Variants in ARK2C observed in about 807,000 individuals in gnomAD.
The protein encoded by ARK2C is E3 ubiquitin-protein ligase ARK2C.
At chr18:46,336,924 T>C in the ARK2C span, 1 of 985,430 alleles carries the variant, frequency 1.0e-6, no homozygotes, top group Non-Finnish European at 1.2e-6. Flanking sequence ...TGCTATCCCA[T>C]AGCCTCTGAA....
At chr18:46,429,104 C>T in the ARK2C span, among the ~76,000 whole-genome samples, 10 of 152,244 alleles carry the variant, frequency 6.6e-5, no homozygotes, top group East Asian at 3.9e-4. Context: ...CTGCAGCCCC[C>T]GGACTCACCA....
the ARK2C span, among the ~76,000 whole-genome samples, chr18:46,384,923 A>G: frequency 6.6e-6 from 1 of 152,264 alleles, no homozygotes; most frequent in Non-Finnish European, 1.5e-5. Context: ...CCTGGTAGAT[A>G]CAGCCCAGAG....
the ARK2C span, chr18:46,433,548 G>A: frequency 6.6e-7 from 1 of 1,524,114 alleles, no homozygotes; most frequent in Non-Finnish European, 8.9e-7. Context: ...GGATGGGGTC[G>A]GGTGAGGGGG....
the ARK2C span, chr18:46,460,416 G>A: frequency 1.3e-5 from 2 of 152,306 alleles, no homozygotes; most frequent in Admixed American, 6.6e-5. Flanking sequence ...CACGTTGCTA[G>A]TTTACAGGGT....
chr18:46,439,860 C>G, the ARK2C span, among the ~76,000 whole-genome samples: 88 of 152,174 alleles, frequency 5.8e-4, no homozygotes, highest in Non-Finnish European at 7.4e-5. Context: ...GAGACGGAGT[C>G]TCGCTCTGTC....
the ARK2C span, among the ~76,000 whole-genome samples, chr18:46,360,922 G>A: frequency 1.3e-5 from 2 of 152,250 alleles, no homozygotes; most frequent in Non-Finnish European, 2.9e-5. Flanking sequence ...CAGCCCCACA[G>A]CAAGTGACTT....
the ARK2C span, among the ~76,000 whole-genome samples, chr18:46,444,339 AT>A: frequency 1.4e-4 from 21 of 152,016 alleles, 1 homozygote; most frequent in Middle Eastern, 0.014. Flanking sequence ...TCCCTAAAAT[AT>A]TTTTTCTGTC....
At chr18:46,351,767 A>G in the ARK2C span, among the ~76,000 whole-genome samples, 1 of 152,150 alleles carries the variant, frequency 6.6e-6, no homozygotes, top group Non-Finnish European at 1.5e-5. Flanking sequence ...TTGGACCCCA[A>G]GCTCATGCTC....
At chr18:46,453,780 AAACTAGAAAGAGAT>A in the ARK2C span, among the ~76,000 whole-genome samples, 1 of 152,156 alleles carries the variant, frequency 6.6e-6, no homozygotes, top group East Asian at 1.9e-4. Context: ...CAAAGAATAA[AAACTAGAAAGAGAT>A]ATGAAAGCAA....
chr18:46,426,023 C>A, the ARK2C span, among the ~76,000 whole-genome samples: 4 of 152,076 alleles, frequency 2.6e-5, no homozygotes, highest in East Asian at 5.8e-4. Flanking sequence ...GGGCAATAAT[C>A]CTATTCATTG....
chr18:46,413,803 G>A, the ARK2C span, among the ~76,000 whole-genome samples: 21 of 152,206 alleles, frequency 1.4e-4, no homozygotes, highest in Non-Finnish European at 1.8e-4. Context: ...GGTGCAAAAG[G>A]ATGTACATAC....
chr18:46,338,920 A>AC, the ARK2C span, among the ~76,000 whole-genome samples: 1 of 152,098 alleles, frequency 6.6e-6, no homozygotes, highest in Non-Finnish European at 1.5e-5. Flanking sequence ...CTGCCTGACC[A>AC]CAGCGCTTCC....
the ARK2C span, among the ~76,000 whole-genome samples, chr18:46,383,036 G>T: frequency 6.6e-6 from 1 of 152,288 alleles, no homozygotes; most frequent in African/African-American, 2.4e-5. Context: ...TGCTGGGCCA[G>T]CTTGGCCAGA....
At chr18:46,428,699 G>A in the ARK2C span, among the ~76,000 whole-genome samples, 1 of 152,194 alleles carries the variant, frequency 6.6e-6, no homozygotes, top group Non-Finnish European at 1.5e-5. Context: ...GAAAAGGAAA[G>A]AGTTTTAAAA....
At chr18:46,448,670 G>T in the ARK2C span, among the ~76,000 whole-genome samples, 795 of 152,296 alleles carry the variant, frequency 5.2e-3, 9 homozygotes, top group East Asian at 0.014. Flanking sequence ...GGCCTAGCCT[G>T]CCTATCCAGT....
At chr18:46,435,284 T>C in the ARK2C span, 2 of 1,613,892 alleles carry the variant, frequency 1.2e-6, no homozygotes, top group Non-Finnish European at 1.7e-6. Context: ...TCCCTTCTGG[T>C]GCAGGCGGAG....
the ARK2C span, among the ~76,000 whole-genome samples, chr18:46,343,587 C>T: frequency 2.0e-5 from 3 of 152,210 alleles, no homozygotes; most frequent in Admixed American, 6.5e-5. Context: ...AGTAACTACC[C>T]GTGTGAGGTC....
At chr18:46,334,715 T>TGTGTGA in the ARK2C span, 57 of 124,422 alleles carry the variant, frequency 4.6e-4, 1 homozygote, top group African/African-American at 1.7e-3. This position sits in a 1 kb window ranked among gnomAD's most constrained non-coding sequence, Gnocchi z 4.4. Flanking sequence ...TGTGTGTGTG[T>TGTGTGA]GAGAGAGAGA....
the ARK2C span, among the ~76,000 whole-genome samples, chr18:46,416,778 C>T: frequency 2.6e-5 from 4 of 152,182 alleles, no homozygotes; most frequent in Non-Finnish European, 5.9e-5. Flanking sequence ...AGCAGGTTAG[C>T]CTGGGCTTGT....
Sources: gnomAD v4.1 joint callset for allele counts (sites outside exome capture counted in the v4.1 genomes callset) on GRCh38, gnomAD v4.1.1 for gene constraint, Gnocchi (gnomAD v3.1) non-coding constraint, MANE v1.5 for transcripts, NCBI Gene and HGNC (gene_info 2026-07-23, HGNC 2026-07-21) for gene names.